The following FOXP2 variants were observed in gnomAD, a reference collection of about 807,000 sequenced individuals.
FOXP2 encodes forkhead box P2.
Under a neutral mutation model 115.8 loss-of-function variants are expected in FOXP2, and 12 were observed. The observed-to-expected ratio is 0.10, with a 90% CI of 0.07 to 0.17. The LOEUF (loss-of-function observed/expected upper bound fraction) is 0.17, where lower values mean the gene tolerates loss of function less well. Among genes scored for constraint, FOXP2 ranks in the 10% least tolerant of loss-of-function variants. The probability of loss-of-function intolerance (pLI) is 1.00; values close to 1 mark genes in which losing one functional copy is unlikely to be tolerated. For synonymous variants in FOXP2, 328 were observed against 297.7 expected, an observed-to-expected ratio of 1.10 and a Z score of -1.05; for missense variants, 629 against 843.5, an observed-to-expected ratio of 0.75 and a Z score of 3.15.
Position 114,572,259 on chromosome 7 carries a change from TAATG to T in FOXP2, c.258+37558_258+37561del, listed in dbSNP as rs201724003. Among the ~76,000 whole-genome samples, 1,271 of 150,682 alleles carry T rather than the reference TAATG, an allele frequency of 8.4e-3. 8 individuals are homozygous for T. The highest frequency in any genetic ancestry group is 0.03 in the African/African-American group (1,217 of 41,040). On this transcript the variant is annotated intron_variant, in intron 3 of 16. Coordinates refer to ENST00000350908, the MANE Select transcript of FOXP2 (RefSeq NM_014491.4). The stretch of plus-strand genomic sequence containing the variant: ...TGGTAAATGTCAAAAAAAAAAGAAA[TAATG>T]AATGTCAAGGATGGGTAATAAATGT...
intron 2 of FOXP2, among the ~76,000 whole-genome samples, chr7:114,491,534 G>T (rs36198537): frequency 0.078 from 11,852 of 151,304 alleles, 511 homozygotes; most frequent in Middle Eastern, 0.16. Flanking sequence ...GTCAATTTTG[G>T]CTTTTGTTGC....
chr7:114,393,282 CCTT>C (rs893923517), intron 2 of FOXP2, among the ~76,000 whole-genome samples: 7 of 152,046 alleles, frequency 4.6e-5, no homozygotes, highest in Non-Finnish European at 1.0e-4. Context: ...CCTTACATTT[CCTT>C]CTTCTTTTTT....
intron 2 of FOXP2, among the ~76,000 whole-genome samples, chr7:114,429,722 G>T (rs1004798092): frequency 1.3e-5 from 2 of 151,478 alleles, no homozygotes; most frequent in Non-Finnish European, 3.0e-5. Flanking sequence ...GGTGTTTCAG[G>T]TGATGGTGTT....
chr7:114,422,771 T>A (rs1004812916), intron 1 of FOXP2, among the ~76,000 whole-genome samples: 2 of 151,092 alleles, frequency 1.3e-5, no homozygotes. Flanking sequence ...ATAGGATACA[T>A]GCAGGTTTCT....
At position 114,557,921 on chromosome 7, in the gene FOXP2, G is replaced by T. The variant is rs181857548; in HGVS notation, c.258+23215G>T. Among the ~76,000 whole-genome samples the T allele has an allele frequency of 1.5e-3, 225 of 152,048 alleles. 1 individual carries two copies. Among genetic ancestry groups the T allele is most frequent in the African/African-American group, 5.0e-3 (208 of 41,460 alleles). On this transcript the variant is annotated intron_variant, in intron 3 of 16. Coordinates refer to ENST00000350908, the MANE Select transcript of FOXP2 (RefSeq NM_014491.4). ...GCCTCCCGGGTTCAAGCAGTTCTCT[G>T]TGTCAGCCTCCCAAGTAGCTGGGAT...
upstream of FOXP2, among the ~76,000 whole-genome samples, chr7:114,159,402 A>G (rs1792766092): frequency 6.6e-6 from 1 of 152,170 alleles, no homozygotes; most frequent in Non-Finnish European, 1.5e-5. Flanking sequence ...GAGAACGTCT[A>G]TATAAATTTA....
At chr7:114,340,311 A>G (rs1177154069) in intron 2 of FOXP2, among the ~76,000 whole-genome samples, 1 of 151,092 alleles carries the variant, frequency 6.6e-6, no homozygotes, top group Non-Finnish European at 1.5e-5. Flanking sequence ...GTGTTGCCAT[A>G]TCACCTGGAA....
chr7:114,598,698 G>T (rs1461503905), intron 3 of FOXP2, among the ~76,000 whole-genome samples: 1 of 152,060 alleles, frequency 6.6e-6, no homozygotes, highest in Non-Finnish European at 1.5e-5. Flanking sequence ...CCAGTCTCCA[G>T]AACTTTTTCA....
chr7:114,532,786 C>A (rs1486084047), intron 2 of FOXP2, among the ~76,000 whole-genome samples: 4 of 151,222 alleles, frequency 2.6e-5, no homozygotes, highest in African/African-American at 7.3e-5. Context: ...TACATGAAAA[C>A]AATTAGGCAT....
intron 3 of FOXP2, chr7:114,561,245 CTA>C (rs1298732472): frequency 6.6e-6 from 1 of 152,128 alleles, no homozygotes; most frequent in African/African-American, 2.4e-5. Context: ...CAGATTTCGT[CTA>C]TGTTAACTTT....
intron 1 of FOXP2, among the ~76,000 whole-genome samples, chr7:114,121,721 A>C (rs1386652716): frequency 6.6e-6 from 1 of 152,146 alleles, no homozygotes; most frequent in East Asian, 1.9e-4. Flanking sequence ...AATGGGATTA[A>C]GGACCTGAGT....
At chr7:114,335,497 T>A (rs1797830275) in intron 2 of FOXP2, among the ~76,000 whole-genome samples, 1 of 151,932 alleles carries the variant, frequency 6.6e-6, no homozygotes, top group East Asian at 1.9e-4. Context: ...TAAAATAGTA[T>A]ATTTTATGTT....
At chr7:114,512,051 CTT>C (rs1798103197) in intron 2 of FOXP2, among the ~76,000 whole-genome samples, 1 of 151,870 alleles carries the variant, frequency 6.6e-6, no homozygotes, top group Admixed American at 6.6e-5. Context: ...ATTATTATAA[CTT>C]AAGAGTTTGA....
At chr7:114,310,437 A>C (rs1426714462) in intron 2 of FOXP2, among the ~76,000 whole-genome samples, 1 of 152,154 alleles carries the variant, frequency 6.6e-6, no homozygotes, top group Non-Finnish European at 1.5e-5. Context: ...CTCAAATGGG[A>C]ATGTCAGGAC....
chr7:114,164,767 C>G (rs1022639928), intron 1 of FOXP2, among the ~76,000 whole-genome samples: 1 of 152,078 alleles, frequency 6.6e-6, no homozygotes, highest in Admixed American at 6.6e-5. Flanking sequence ...ACTTTAAAAG[C>G]CTATTTAAAT....
chr7:114,462,154 G>T (rs1403512919), intron 2 of FOXP2, among the ~76,000 whole-genome samples: 1 of 150,832 alleles, frequency 6.6e-6, no homozygotes, highest in Non-Finnish European at 1.5e-5. Flanking sequence ...GGTGGCACGT[G>T]CCTGTAGTCC....
intron 1 of FOXP2, among the ~76,000 whole-genome samples, chr7:114,187,549 C>T (rs893489288): frequency 6.6e-5 from 10 of 152,196 alleles, no homozygotes; most frequent in African/African-American, 2.2e-4. Flanking sequence ...TTCCCTACAA[C>T]TCTTCTTCTG....
At chr7:114,460,798 T>C (rs182637715) in intron 2 of FOXP2, among the ~76,000 whole-genome samples, 3 of 152,324 alleles carry the variant, frequency 2.0e-5, no homozygotes, top group Admixed American at 6.5e-5. Context: ...TCAAAAACTA[T>C]ATCAGGGAGA....
At chr7:114,613,893 G>A (rs567144005) in intron 3 of FOXP2, 1 of 151,954 alleles carries the variant, frequency 6.6e-6, no homozygotes, top group Admixed American at 6.6e-5. Context: ...ATTCAGAGTG[G>A]TATGGCCATA....
Sources: allele counts gnomAD v4.1 joint callset (sites outside exome capture counted in the v4.1 genomes callset), GRCh38; gene constraint gnomAD v4.1.1; transcripts MANE v1.5; gene names NCBI Gene and HGNC (gene_info 2026-07-23, HGNC 2026-07-21).